Variants in RXRA observed in about 807,000 individuals in gnomAD.
RXRA encodes the protein retinoid X receptor alpha.
In RXRA, 5 loss-of-function variants were observed where a neutral mutation model predicts 44.5. The observed-to-expected ratio is 0.11, with a 90% CI of 0.06 to 0.24. The LOEUF (loss-of-function observed/expected upper bound fraction) is 0.24, where lower values mean the gene tolerates loss of function less well. Among genes scored for constraint, RXRA ranks in the 10% least tolerant of loss-of-function variants. The pLI is 1.00. For missense variants in RXRA, 412 were observed against 646.5 expected, an observed-to-expected ratio of 0.64 and a Z score of 3.93; for synonymous variants, 291 against 271.4, an observed-to-expected ratio of 1.07 and a Z score of -0.71.
chr9:134,421,358 C>G (rs879063463), intron 5 of RXRA, among the ~76,000 whole-genome samples: 1 of 152,128 alleles, frequency 6.6e-6, no homozygotes, highest in Admixed American at 6.5e-5. Context: ...TCCCCTTGGG[C>G]CCCAGCGTCT....
intron 1 of RXRA, among the ~76,000 whole-genome samples, chr9:134,361,583 A>G (rs1055810735): frequency 2.0e-5 from 3 of 152,240 alleles, no homozygotes; most frequent in African/African-American, 7.2e-5. Context: ...TGCGTGATTC[A>G]TCAGGGCCTT....
chr9:134,425,595 C>T (rs1831420705), intron 6 of RXRA: 1 of 697,076 alleles, frequency 1.4e-6, no homozygotes, highest in African/African-American at 2.1e-5. Context: ...AGTGGGCGGG[C>T]CTTGCTGGGC....
chr9:134,364,113 C>T (rs1385266218), intron 1 of RXRA, among the ~76,000 whole-genome samples: 4 of 152,192 alleles, frequency 2.6e-5, no homozygotes, highest in Non-Finnish European at 5.9e-5. Context: ...TTCCAGACTC[C>T]TCCACAACCG....
intron 1 of RXRA, among the ~76,000 whole-genome samples, chr9:134,388,777 T>G (rs1406862421): frequency 6.6e-6 from 1 of 152,136 alleles, no homozygotes; most frequent in Non-Finnish European, 1.5e-5. Flanking sequence ...TTCCTCTGCC[T>G]CCTCCTCCTT....
At chr9:134,338,491 G>A (rs1564259801) in intron 1 of RXRA, among the ~76,000 whole-genome samples, 1 of 152,230 alleles carries the variant, frequency 6.6e-6, no homozygotes, top group Non-Finnish European at 1.5e-5. Context: ...TCACAGGGGA[G>A]GTCACTGCCA....
In RXRA at chr9:134,426,142, C is replaced by T; in HGVS notation, c.911-2966C>T. On this transcript the variant is annotated intron_variant, in intron 6 of 9. Coordinates refer to ENST00000481739, the MANE Select transcript of RXRA (RefSeq NM_002957.6). The surrounding 1 kb of genome is among the most constrained non-coding windows in gnomAD (Gnocchi z 4.6). ...AGGACATAGTGACCAAGGGAGCAGC[C>T]CCAGGCAAGACTCTTTGTCCTGCGC... 1 of 985,374 alleles carries T rather than the reference C, an allele frequency of 1.0e-6. No homozygotes were observed. Among genetic ancestry groups the T allele is most frequent in the Non-Finnish European group, 1.2e-6 (1 of 829,928 alleles). The allele number at this position is 985,374 out of a possible 1,614,324, so 61.0% of individuals were successfully genotyped here.
rs1166864729 is a variant in RXRA, at chr9:134,439,473, C to T, written c.*2859C>T. The T allele has an allele frequency of 1.3e-5, 2 of 152,304 alleles. No individual in the cohort carries two copies. The highest frequency in any genetic ancestry group is 2.9e-5 in the Non-Finnish European group (2 of 68,088). The allele number at this position is 152,304 out of a possible 1,614,324, so 9.4% of individuals were successfully genotyped here. On this transcript the variant is annotated 3_prime_UTR_variant, in exon 10 of 10. Transcript: ENST00000481739. ...TCCACCCTGGGGCCTGTGTCAGCCG[C>T]CGGCCCTCCGCACCCTGGAAGCACA...
chr9:134,422,494 C>A (rs1349456099), intron 6 of RXRA: 1 of 1,223,958 alleles, frequency 8.2e-7, no homozygotes, highest in South Asian at 1.4e-5. Context: ...ACTCCCCCCT[C>A]CCAGGACACT....
At chr9:134,385,642 CG>C (rs1469156511) in intron 1 of RXRA, among the ~76,000 whole-genome samples, 1 of 152,212 alleles carries the variant, frequency 6.6e-6, no homozygotes, top group Non-Finnish European at 1.5e-5. Flanking sequence ...CCTGCGCGAG[CG>C]GTGGTGGCCC....
Position 134,422,182 on chromosome 9 carries a change from A to T in RXRA, c.910+377A>T, listed in dbSNP as rs1203303559. ...CTGGGACACACTTCCCCCTCCTGGG[A>T]CACACTTCCCCCTCCAGGGACACAC... is the stretch of plus-strand genomic sequence containing the variant. On this transcript the variant is annotated intron_variant, in intron 6 of 9. Coordinates refer to ENST00000481739, the MANE Select transcript of RXRA (RefSeq NM_002957.6). The T allele has an allele frequency of 2.7e-5, 35 of 1,276,790 alleles. No homozygotes were observed. In the South Asian group the frequency reaches 3.6e-4, roughly 13 times the overall value. The allele number at this position is 1,276,790 out of a possible 1,614,324, so 79.1% of individuals were successfully genotyped here. A position where few individuals can be genotyped will look rare whatever the true frequency, so the allele number is the denominator to read the frequency against.
At chr9:134,334,613 C>A (rs1835056701) in intron 1 of RXRA, among the ~76,000 whole-genome samples, 1 of 152,246 alleles carries the variant, frequency 6.6e-6, no homozygotes, top group African/African-American at 2.4e-5. Context: ...GCTGTGTAGC[C>A]CTGGGCAGGT....
At chr9:134,422,581 T>TCTCCCGGGACACTCCCCG (rs1831364428) in intron 6 of RXRA, 3 of 983,816 alleles carry the variant, frequency 3.0e-6, no homozygotes, top group Non-Finnish European at 3.6e-6. Context: ...GACACTCCCC[T>TCTCCCGGGACACTCCCCG]CTCCCGGGAC....
chr9:134,418,111 C>T (rs1425537854), intron 5 of RXRA, among the ~76,000 whole-genome samples: 1 of 152,148 alleles, frequency 6.6e-6, no homozygotes, highest in Non-Finnish European at 1.5e-5. Context: ...TTCTGAGCCC[C>T]TCCTACCCTA....
At chr9:134,369,015 G>A (rs188336201) in intron 1 of RXRA, among the ~76,000 whole-genome samples, 740 of 58,166 alleles carry the variant, frequency 0.013, 1 homozygote, top group Middle Eastern at 0.023. Flanking sequence ...TGTGTGTGTG[G>A]GGGGGGTTAT....
At chr9:134,425,780 T>G (rs2119196863) in intron 6 of RXRA, 1 of 985,280 alleles carries the variant, frequency 1.0e-6, no homozygotes, top group South Asian at 4.7e-5. Flanking sequence ...GGGATCCCCA[T>G]CACAAGCCCC....
rs1375613641 is a variant in RXRA, at chr9:134,342,545, G to A, written c.28+15886G>A. On this transcript the variant is annotated intron_variant, in intron 1 of 9. Coordinates refer to ENST00000481739, the MANE Select transcript of RXRA (RefSeq NM_002957.6). The surrounding 1 kb of genome is among the most constrained non-coding windows in gnomAD (Gnocchi z 4.4). ...GCCCTCTTCCTGCCATCAGCGGGGG[G>A]CAGTGGGTTGGTGCAGGCAGAGTGG... 6.6e-6 allele frequency among the ~76,000 whole-genome samples: 1 copy of A among 152,214 alleles called. No homozygotes were observed. The highest frequency in any genetic ancestry group is 1.5e-5 in the Non-Finnish European group (1 of 68,040).
chr9:134,432,200 C>A (rs1216764210), intron 8 of RXRA, among the ~76,000 whole-genome samples: 1 of 151,648 alleles, frequency 6.6e-6, no homozygotes, highest in Non-Finnish European at 1.5e-5. Context: ...GGGGCATGGT[C>A]CCTGGGCACA....
rs188969407 is a variant in RXRA, at chr9:134,348,568, C to T, written c.28+21909C>T. ...TCTGATCCCGGGGGACGCAGGTGGC[C>T]GACACGTGGGTTGAGTCTTGGCTGA... On this transcript the variant is annotated intron_variant, in intron 1 of 9. Transcript: ENST00000481739. 1.4e-4 allele frequency among the ~76,000 whole-genome samples: 22 copies of T among 152,256 alleles called. No homozygotes were observed. In the East Asian group the frequency reaches 1.7e-3, roughly 12 times the overall value.
chr9:134,379,088 G>A (rs1018110862), intron 1 of RXRA, among the ~76,000 whole-genome samples: 1 of 152,156 alleles, frequency 6.6e-6, no homozygotes, highest in Non-Finnish European at 1.5e-5. Flanking sequence ...TGAGCTCCTG[G>A]GATGCAGCCC....
Sources: allele counts gnomAD v4.1 joint callset (sites outside exome capture counted in the v4.1 genomes callset), GRCh38; gene constraint gnomAD v4.1.1; non-coding constraint Gnocchi (gnomAD v3.1); transcripts MANE v1.5; gene names NCBI Gene and HGNC (gene_info 2026-07-23, HGNC 2026-07-21).